The following LOC128706665 variants were observed in gnomAD, a reference collection of about 807,000 sequenced individuals.
At chr20:10,420,556 T>A in the LOC128706665 span, 1 of 152,232 alleles carries the variant, frequency 6.6e-6, no homozygotes, top group African/African-American at 2.4e-5. Flanking sequence ...CTACTTCCCC[T>A]GGATTTGGCT....
the LOC128706665 span, among the ~76,000 whole-genome samples, chr20:10,426,615 T>G: frequency 2.0e-5 from 3 of 152,156 alleles, no homozygotes; most frequent in Non-Finnish European, 4.4e-5. Context: ...CCCAGGCTGG[T>G]CTCAACTCCT....
chr20:10,433,742 T>TC, the LOC128706665 span, among the ~76,000 whole-genome samples: 1 of 151,842 alleles, frequency 6.6e-6, no homozygotes, highest in East Asian at 2.0e-4. Flanking sequence ...CTCCAGACAG[T>TC]CAGGGGCACA....
chr20:10,433,806 G>A, the LOC128706665 span, among the ~76,000 whole-genome samples: 1 of 152,194 alleles, frequency 6.6e-6, no homozygotes, highest in Non-Finnish European at 1.5e-5. Flanking sequence ...CGGCGTAGAA[G>A]GCGGCAGCGC....
the LOC128706665 span, among the ~76,000 whole-genome samples, chr20:10,427,287 C>T: frequency 3.9e-5 from 6 of 152,208 alleles, no homozygotes; most frequent in African/African-American, 1.2e-4. Flanking sequence ...GCTTGCTGGG[C>T]GCCATCTGCT....
the LOC128706665 span, among the ~76,000 whole-genome samples, chr20:10,427,028 T>TGACACACACACAGACACACACACA: frequency 1.8e-4 from 11 of 61,476 alleles, no homozygotes; most frequent in Admixed American, 9.5e-4. Context: ...AAGAAAACAC[T>TGACACACACACAGACACACACACA]GACACACACA....
At chr20:10,431,062 A>C in the LOC128706665 span, among the ~76,000 whole-genome samples, 3 of 152,174 alleles carry the variant, frequency 2.0e-5, no homozygotes, top group African/African-American at 4.8e-5. Context: ...AGAGAACTAT[A>C]TACATTCATA....
the LOC128706665 span, among the ~76,000 whole-genome samples, chr20:10,423,963 A>G: frequency 2.0e-5 from 3 of 151,538 alleles, no homozygotes; most frequent in South Asian, 2.1e-4. Context: ...CAAATTCTCC[A>G]TATCTCATAT....
At chr20:10,428,219 C>CCCCT in the LOC128706665 span, among the ~76,000 whole-genome samples, 1 of 152,146 alleles carries the variant, frequency 6.6e-6, no homozygotes, top group African/African-American at 2.4e-5. Flanking sequence ...AGAATCCTGT[C>CCCCT]CCCTTTCACT....
chr20:10,421,003 G>T, the LOC128706665 span, among the ~76,000 whole-genome samples: 2 of 152,200 alleles, frequency 1.3e-5, no homozygotes, highest in East Asian at 3.8e-4. Context: ...CAATTGCAAA[G>T]GAGCAACATT....
At chr20:10,419,547 G>C in the LOC128706665 span, among the ~76,000 whole-genome samples, 1 of 152,108 alleles carries the variant, frequency 6.6e-6, no homozygotes, top group African/African-American at 2.4e-5. Flanking sequence ...ACTACATATA[G>C]CACTAAACCC....
chr20:10,426,241 C>CA, the LOC128706665 span, among the ~76,000 whole-genome samples: 1 of 152,206 alleles, frequency 6.6e-6, no homozygotes, highest in South Asian at 2.1e-4. Flanking sequence ...GCCTAGTACT[C>CA]TACTAAGCAA....
the LOC128706665 span, among the ~76,000 whole-genome samples, chr20:10,433,297 C>T: frequency 2.0e-5 from 3 of 152,212 alleles, no homozygotes; most frequent in East Asian, 5.8e-4. Flanking sequence ...AGCCACCAAA[C>T]CCCGCCGCCC....
the LOC128706665 span, among the ~76,000 whole-genome samples, chr20:10,425,398 C>A: frequency 6.6e-6 from 1 of 152,178 alleles, no homozygotes; most frequent in Non-Finnish European, 1.5e-5. Flanking sequence ...ACTCCAGAGT[C>A]CATGCTCAAA....
the LOC128706665 span, among the ~76,000 whole-genome samples, chr20:10,423,923 T>G: frequency 6.6e-6 from 1 of 152,218 alleles, no homozygotes; most frequent in Admixed American, 6.5e-5. Flanking sequence ...GCTTTAATGT[T>G]TACTGAACAT....
the LOC128706665 span, among the ~76,000 whole-genome samples, chr20:10,428,526 T>C: frequency 2.0e-5 from 3 of 152,218 alleles, no homozygotes; most frequent in Non-Finnish European, 2.9e-5. Context: ...TCCCCTTATG[T>C]GCACCTTAGC....
the LOC128706665 span, among the ~76,000 whole-genome samples, chr20:10,430,441 T>C: frequency 6.6e-6 from 1 of 152,176 alleles, no homozygotes; most frequent in Non-Finnish European, 1.5e-5. Flanking sequence ...GCTCAGTAAT[T>C]GTTAGCTATT....
the LOC128706665 span, chr20:10,413,921 T>C: frequency 1.7e-5 from 7 of 414,534 alleles, no homozygotes; most frequent in Non-Finnish European, 2.6e-5. Flanking sequence ...GATTCAAAGC[T>C]GCTTCTTTAC....
the LOC128706665 span, among the ~76,000 whole-genome samples, chr20:10,431,120 C>T: frequency 1.3e-5 from 2 of 152,058 alleles, no homozygotes; most frequent in East Asian, 3.8e-4. Flanking sequence ...ACACGGCAGC[C>T]ATTACTTTTA....
the LOC128706665 span, among the ~76,000 whole-genome samples, chr20:10,414,797 A>G: frequency 6.6e-6 from 1 of 152,170 alleles, no homozygotes; most frequent in Admixed American, 6.5e-5. Flanking sequence ...TCTGCACAAC[A>G]CATTGTACCA....
Sources: gnomAD v4.1 joint callset for allele counts (sites outside exome capture counted in the v4.1 genomes callset) on GRCh38, gnomAD v4.1.1 for gene constraint, MANE v1.5 for transcripts.